ATP1B3: variants seen among roughly 807,000 people sequenced by gnomAD.
ATP1B3 encodes the protein ATPase Na+/K+ transporting subunit beta 3, also known as sodium/potassium-transporting ATPase subunit beta-3.
In ATP1B3, 10 loss-of-function variants were observed where a neutral mutation model predicts 30.2. The observed-to-expected ratio is 0.33, with a 90% CI of 0.20 to 0.56. ATP1B3 has a LOEUF of 0.56. ATP1B3 is among the 20% of genes least tolerant of loss of function. The pLI, the probability that ATP1B3 is intolerant of heterozygous loss-of-function variation, is 0.90. For missense variants in ATP1B3, 238 were observed against 336.7 expected (o/e 0.71, Z 2.29); for synonymous variants, 113 against 117.0 (o/e 0.97, Z 0.22).
At chr3:141,921,459 C>T (rs1233844910) in intron 5 of ATP1B3, 3 of 152,192 alleles carry the variant, frequency 2.0e-5, no homozygotes, top group East Asian at 1.9e-4. Flanking sequence ...TTCCTTCATG[C>T]TTCCCCTCTG....
intron 1 of ATP1B3, among the ~76,000 whole-genome samples, chr3:141,899,009 C>G (rs930351169): frequency 6.6e-6 from 1 of 152,114 alleles, no homozygotes; most frequent in Non-Finnish European, 1.5e-5. Context: ...GATTCCATTT[C>G]TAGGAAATGT....
At chr3:141,903,365 G>A (rs976650593) in intron 1 of ATP1B3, among the ~76,000 whole-genome samples, 1 of 152,106 alleles carries the variant, frequency 6.6e-6, no homozygotes, top group Non-Finnish European at 1.5e-5. Context: ...ACCAGAGTAT[G>A]AATGGTGGAA....
At chr3:141,886,458 A>C (rs899662528) in intron 1 of ATP1B3, among the ~76,000 whole-genome samples, 1 of 152,182 alleles carries the variant, frequency 6.6e-6, no homozygotes, top group Non-Finnish European at 1.5e-5. Flanking sequence ...ATAAAGGTGT[A>C]ATTCTATCAC....
At chr3:141,881,914 G>T (rs977862743) in intron 1 of ATP1B3, among the ~76,000 whole-genome samples, 3 of 152,160 alleles carry the variant, frequency 2.0e-5, no homozygotes, top group Admixed American at 2.0e-4. Context: ...GTACTTCCTG[G>T]ATTGTCCAGG....
intron 5 of ATP1B3, among the ~76,000 whole-genome samples, chr3:141,919,348 C>T (rs1272106909): frequency 6.6e-6 from 1 of 151,746 alleles, no homozygotes; most frequent in Admixed American, 6.6e-5. Flanking sequence ...AACTCCTGGC[C>T]TCAAGCAATC....
At chr3:141,915,897 C>A in intron 4 of ATP1B3, 73 bp from the exon 5 acceptor site, 1 of 1,221,294 alleles carries the variant, frequency 8.2e-7, no homozygotes, top group Non-Finnish European at 1.2e-6. Flanking sequence ...CCCCTTGTTC[C>A]CAGCAACAGA....
chr3:141,885,121 A>G (rs1382615249), intron 1 of ATP1B3, among the ~76,000 whole-genome samples: 1 of 152,222 alleles, frequency 6.6e-6, no homozygotes, highest in Admixed American at 6.5e-5. Flanking sequence ...TTTAAAAAAC[A>G]GCTTCACTAT....
intron 5 of ATP1B3, among the ~76,000 whole-genome samples, chr3:141,917,017 A>AT (rs63326663): frequency 1.5e-3 from 183 of 122,930 alleles, no homozygotes; most frequent in East Asian, 6.5e-3. Context: ...CTCCCGGCTA[A>AT]TTTTTTTTTT....
intron 1 of ATP1B3, among the ~76,000 whole-genome samples, chr3:141,889,070 GGAGA>G (rs10575911): frequency 0.23 from 34,580 of 151,610 alleles, 4,072 homozygotes; most frequent in African/African-American, 0.25. Context: ...CATGGTGGCA[GGAGA>G]GAGAGAGAGC....
At chr3:141,917,252 T>G (rs1934481530) in intron 5 of ATP1B3, among the ~76,000 whole-genome samples, 2 of 152,136 alleles carry the variant, frequency 1.3e-5, no homozygotes, top group African/African-American at 4.8e-5. Flanking sequence ...CCTTATTAAT[T>G]TTTTAAGAGC....
At chr3:141,900,639 G>A (rs564825704) in intron 1 of ATP1B3, among the ~76,000 whole-genome samples, 64 of 152,214 alleles carry the variant, frequency 4.2e-4, no homozygotes, top group South Asian at 2.9e-3. Context: ...GACTGAGCCC[G>A]TAGCATGGGG....
At chr3:141,891,039 C>G (rs1390170681) in intron 1 of ATP1B3, among the ~76,000 whole-genome samples, 1 of 152,126 alleles carries the variant, frequency 6.6e-6, no homozygotes, top group African/African-American at 2.4e-5. Flanking sequence ...AACATTATCA[C>G]AGATTTAACA....
At position 141,925,676 on chromosome 3, in the gene ATP1B3, T is replaced by C. The variant is rs746918275; in HGVS notation, c.815T>C (p.Met272Thr). 15 of 1,612,158 alleles carry C rather than the reference T, an allele frequency of 9.3e-6. No individual in the cohort carries two copies. Among genetic ancestry groups the C allele is most frequent in the Non-Finnish European group, 1.3e-5 (15 of 1,179,774 alleles). Residue 272 changes from methionine (M) to threonine (T), a missense_variant, in exon 7 of 7, where the codon ATG becomes ACG. Transcript: ENST00000286371. ...CGTGACAAGTTTTTGGGACGAGTTA[T>C]GTTCAAAATCACAGCACGTGCATAG... ...DDRDKFLGRV[M>T]FKITARA
At chr3:141,899,838 C>T (rs1387983355) in intron 1 of ATP1B3, among the ~76,000 whole-genome samples, 5 of 152,066 alleles carry the variant, frequency 3.3e-5, no homozygotes, top group African/African-American at 1.2e-4. Context: ...CATTGCACTC[C>T]AGCCTAGGCA....
intron 1 of ATP1B3, among the ~76,000 whole-genome samples, chr3:141,895,470 G>A (rs760028463): frequency 1.3e-5 from 2 of 152,044 alleles, no homozygotes; most frequent in Non-Finnish European, 2.9e-5. Context: ...GATTACAAGC[G>A]TGAGCCACTG....
Position 141,876,788 on chromosome 3 carries a change from T to C in ATP1B3, c.-14T>C. ...CCCGCGGCCGCAGCTCCTCTCGCCG[T>C]CCGCGCGCACACCATGACGAAGAAC... On this transcript the variant is annotated 5_prime_UTR_variant, in exon 1 of 7. Coordinates refer to ENST00000286371, the MANE Select transcript of ATP1B3 (RefSeq NM_001679.4). 2 of 1,585,416 alleles carry C rather than the reference T, an allele frequency of 1.3e-6. No homozygotes were observed. The highest frequency in any genetic ancestry group is 1.7e-6 in the Non-Finnish European group (2 of 1,164,334).
At chr3:141,892,474 T>G (rs988685264) in intron 1 of ATP1B3, among the ~76,000 whole-genome samples, 1 of 151,952 alleles carries the variant, frequency 6.6e-6, no homozygotes, top group Non-Finnish European at 1.5e-5. Context: ...TCCTGCCATA[T>G]TATTGACATT....
chr3:141,899,179 G>A (rs1934118277), intron 1 of ATP1B3, among the ~76,000 whole-genome samples: 1 of 152,160 alleles, frequency 6.6e-6, no homozygotes, highest in Non-Finnish European at 1.5e-5. Context: ...AATATAAAAT[G>A]TAAACTTCAC....
At chr3:141,912,910 A>T (rs1453923252) in intron 3 of ATP1B3, among the ~76,000 whole-genome samples, 2 of 152,222 alleles carry the variant, frequency 1.3e-5, no homozygotes, top group Non-Finnish European at 2.9e-5. Flanking sequence ...GGGCGGCTTT[A>T]ATAGTCTCCT....
Sources: allele counts gnomAD v4.1 joint callset (sites outside exome capture counted in the v4.1 genomes callset), GRCh38; gene constraint gnomAD v4.1.1; transcripts MANE v1.5; gene names NCBI Gene and HGNC (gene_info 2026-07-23, HGNC 2026-07-21).